SLC20A1: variants seen among roughly 807,000 people sequenced by gnomAD.
The protein encoded by SLC20A1 is solute carrier family 20 member 1.
In SLC20A1, 28 loss-of-function variants were observed where a neutral mutation model predicts 62.7. The ratio of observed to expected loss-of-function variants is 0.45; its 90% CI spans 0.33 to 0.61. The LOEUF (loss-of-function observed/expected upper bound fraction) is 0.61. Among genes scored for constraint, SLC20A1 ranks in the 20% least tolerant of loss-of-function variants. The pLI, the probability that SLC20A1 is intolerant of heterozygous loss-of-function variation, is 0.02. For synonymous variants in SLC20A1, 305 were observed against 302.9 expected (o/e 1.01, Z -0.07); for missense variants, 673 against 838.6 (o/e 0.80, Z 2.44).
chr2:112,659,467 G>A lies in SLC20A1; in HGVS notation c.1312G>A (p.Gly438Ser), dbSNP rs759515767. The change falls in exon 8 of 11, where the codon GGT becomes AGT. Residue 438 changes from glycine to serine, a missense_variant. Physicochemically the swap from Gly to Ser is moderately conservative, Grantham distance 56. Transcript: ENST00000272542. ...TCTGGATTCATTCCGTGCCAAAGAA[G>A]GTGAACAGAAGGGCGAAGAAATGGA... ...MPLDSFRAKE[G>S]EQKGEEMEKL... 2 of 1,614,092 alleles carry A rather than the reference G, an allele frequency of 1.2e-6. No homozygotes were observed. Among genetic ancestry groups the A allele is most frequent in the South Asian group, 1.1e-5 (1 of 91,086 alleles).
Position 112,651,619 on chromosome 2 carries a change from G to C in SLC20A1, c.562-1083G>C, listed in dbSNP as rs372415813. 6.6e-5 allele frequency among the ~76,000 whole-genome samples: 10 copies of C among 152,116 alleles called. No homozygotes were observed. In the South Asian group the frequency reaches 1.0e-3, roughly 16 times the overall value. ...GACAGGGTTTCACCGTATTACCCAG[G>C]ATGGTCTCGATCTCCTGACCTCATG... On this transcript the variant is annotated intron_variant, in intron 4 of 10. Coordinates refer to ENST00000272542, the MANE Select transcript of SLC20A1 (RefSeq NM_005415.5).
At chr2:112,648,768 T>C (rs1686350796) in intron 4 of SLC20A1, among the ~76,000 whole-genome samples, 1 of 152,226 alleles carries the variant, frequency 6.6e-6, no homozygotes, top group Admixed American at 6.5e-5. Flanking sequence ...AAACAGTTCA[T>C]TGATATTTAT....
rs1558693687 is a variant in SLC20A1 at position 112,657,178 on chromosome 2, G to T, written c.715G>T (p.Ala239Ser). 1 of 1,613,894 alleles carries T rather than the reference G, an allele frequency of 6.2e-7. No individual in the cohort carries two copies. The highest frequency in any genetic ancestry group is 1.1e-5 in the South Asian group (1 of 91,040). Reference protein sequence around the residue: ...WGTILISVGCAVFCALIVWFF... With the variant: ...WGTILISVGCSVFCALIVWFF... ...TACCATCCTCATCTCGGTGGGATGT[G>T]CAGTTTTCTGTGCCCTTATCGTCTG... Residue 239 changes from alanine (A) to serine (S), a missense_variant, in exon 6 of 11, where the codon GCA becomes TCA. Coordinates refer to ENST00000272542, the MANE Select transcript of SLC20A1 (RefSeq NM_005415.5).
In SLC20A1 at chr2:112,659,239, T is replaced by C; in HGVS notation, c.1084T>C (p.Phe362Leu). The C allele has an allele frequency of 6.2e-7, 1 of 1,614,130 alleles. No individual in the cohort carries two copies. The highest frequency in any genetic ancestry group is 8.5e-7 in the Non-Finnish European group (1 of 1,180,010). Residue 362 changes from phenylalanine to leucine, a missense_variant, in exon 8 of 11, where the codon TTC becomes CTC. By Grantham distance (22) the Phe-to-Leu change is conservative. Coordinates refer to ENST00000272542, the MANE Select transcript of SLC20A1 (RefSeq NM_005415.5). ...VQLPNGNLVQ[F>L]SQAVSNQINS... ...GTTGCCTAATGGGAACCTTGTCCAG[T>C]TCAGTCAAGCCGTCAGCAACCAAAT...
chr2:112,646,727 A>T lies in SLC20A1; in HGVS notation c.-102A>T, dbSNP rs1180548006. 2 of 484,884 alleles carry T rather than the reference A, an allele frequency of 4.1e-6. No individual in the cohort carries two copies. Among genetic ancestry groups the T allele is most frequent in the Non-Finnish European group, 6.6e-6 (2 of 305,116 alleles). 30.0% of individuals were successfully genotyped at this position (484,884 alleles called of 1,614,324 possible). ...AGTTTACAGTATTTAATTTTATATA[A>T]TATATATTATTTATTATAGCATTTT... On this transcript the variant is annotated 5_prime_UTR_variant, in exon 2 of 11. Coordinates refer to ENST00000272542, the MANE Select transcript of SLC20A1 (RefSeq NM_005415.5).
chr2:112,653,376 C>G, intron 5 of SLC20A1: 1 of 167,760 alleles, frequency 6.0e-6, no homozygotes, highest in Non-Finnish European at 1.3e-5. Context: ...ATGTTTGGGA[C>G]TAAGGCAAGG....
intron 10 of SLC20A1, among the ~76,000 whole-genome samples, chr2:112,662,227 G>A (rs936223855): frequency 2.0e-5 from 3 of 152,122 alleles, no homozygotes; most frequent in Non-Finnish European, 2.9e-5. Context: ...TGTTTATTAG[G>A]TTTAATATCA....
rs911831227 is a variant in SLC20A1, at chr2:112,652,304, T to C, written c.562-398T>C. ...GTTGTATTTTTAGTCTTTGAAGATATGAAGTCAGGTAAGCAACATCCTAAC... is the reference window on the plus strand; with the variant it reads ...GTTGTATTTTTAGTCTTTGAAGATACGAAGTCAGGTAAGCAACATCCTAAC... On this transcript the variant is annotated intron_variant, in intron 4 of 10. Coordinates refer to ENST00000272542, the MANE Select transcript of SLC20A1 (RefSeq NM_005415.5). The C allele has an allele frequency of 4.4e-5, 8 of 180,742 alleles. No homozygotes were observed. The South Asian group carries it at 5.7e-4, about 13-fold the overall frequency. The allele number at this position is 180,742 out of a possible 1,614,324, so 11.2% of individuals were successfully genotyped here. A position where few individuals can be genotyped will look rare whatever the true frequency, so the allele number is the denominator to read the frequency against.
rs777451974 is a variant in SLC20A1 at position 112,647,159 on chromosome 2, T to A, written c.331T>A (p.Phe111Ile). 1 of 1,611,006 alleles carries A rather than the reference T, an allele frequency of 6.2e-7. No individual in the cohort carries two copies. Among genetic ancestry groups the A allele is most frequent in the Non-Finnish European group, 8.5e-7 (1 of 1,177,682 alleles). Residue 111 changes from phenylalanine (F) to isoleucine (I), a missense_variant, in exon 2 of 11, where the codon TTT becomes ATT. Phe to Ile is a conservative substitution (Grantham distance 21, BLOSUM62 0). Transcript: ENST00000272542. ...LLMAGSVSAM[F>I]GSAVWQLVAS... Reference sequence around the variant, plus strand: ...GATGGCCGGCTCAGTCAGTGCTATGTTTGGTAAGTTCTTTTTATGTTTTGT... The same window carrying A: ...GATGGCCGGCTCAGTCAGTGCTATGATTGGTAAGTTCTTTTTATGTTTTGT...
Position 112,660,462 on chromosome 2 carries a change from A to G in SLC20A1, c.1683A>G (p.Pro561=), listed in dbSNP as rs754725567. Residue 561 remains proline, a synonymous_variant, in exon 9 of 11, where the codon CCA becomes CCG. Coordinates refer to ENST00000272542, the MANE Select transcript of SLC20A1 (RefSeq NM_005415.5). ...TGDVSSKVAT[P]IWLLLYGGVG... is the part of the protein sequence containing the mutation. ...ATGTTTCTTCAAAAGTGGCAACACC[A>G]ATATGGCTTCTACTCTATGGTGGTG... is the stretch of plus-strand genomic sequence containing the variant. The G allele has an allele frequency of 6.2e-7, 1 of 1,614,214 alleles. No individual in the cohort carries two copies. The highest frequency in any genetic ancestry group is 8.5e-7 in the Non-Finnish European group (1 of 1,180,024).
intron 4 of SLC20A1, among the ~76,000 whole-genome samples, chr2:112,649,822 A>G (rs748579990): frequency 1.1e-4 from 17 of 152,238 alleles, no homozygotes; most frequent in Non-Finnish European, 2.4e-4. Flanking sequence ...AGACAAAACC[A>G]GAATATCCAA....
intron 4 of SLC20A1, among the ~76,000 whole-genome samples, chr2:112,648,635 G>C (rs1419321534): frequency 3.3e-5 from 5 of 152,234 alleles, no homozygotes; most frequent in African/African-American, 4.8e-5. Flanking sequence ...CTTCTCTGTA[G>C]AAATTCTATG....
Position 112,659,579 on chromosome 2 carries a change from A to G in SLC20A1, c.1424A>G (p.His475Arg), listed in dbSNP as rs1467374198. The G allele has an allele frequency of 6.2e-7, 1 of 1,614,252 alleles. No individual in the cohort carries two copies. Residue 475 changes from histidine to arginine, a missense_variant, in exon 8 of 11, where the codon CAC becomes CGC. Coordinates refer to ENST00000272542, the MANE Select transcript of SLC20A1 (RefSeq NM_005415.5). ...TSYCNAVSDL[H>R]SASEIDMSVK... Reference sequence around the variant, plus strand: ...TACTGCAATGCTGTGTCTGACCTTCACTCAGCATCTGAGATAGACATGAGT... The same window carrying G: ...TACTGCAATGCTGTGTCTGACCTTCGCTCAGCATCTGAGATAGACATGAGT...
At position 112,647,667 on chromosome 2, in the gene SLC20A1, G is replaced by A; in HGVS notation, c.490G>A (p.Val164Met). Residue 164 changes from valine to methionine, a missense_variant, in exon 4 of 11, where the codon GTG (valine) becomes ATG (methionine). By Grantham distance (21) the Val-to-Met change is conservative (BLOSUM62 1). Coordinates refer to ENST00000272542, the MANE Select transcript of SLC20A1 (RefSeq NM_005415.5). The stretch of plus-strand genomic sequence containing the variant: ...TTCTATTCCAGTGATGTCTTGGTTC[G>A]TGTCCCCACTGCTTTCTGGAATTAT... ...ELIKIVMSWF[V>M]SPLLSGIMSG... 2 of 1,613,362 alleles carry A rather than the reference G, an allele frequency of 1.2e-6. No homozygotes were observed. Among genetic ancestry groups the A allele is most frequent in the Non-Finnish European group, 1.7e-6 (2 of 1,179,416 alleles).
Position 112,661,158 on chromosome 2 carries a change from C to T in SLC20A1, c.1810C>T (p.Leu604=), listed in dbSNP as rs1574191456. 2 of 1,613,996 alleles carry T rather than the reference C, an allele frequency of 1.2e-6. No individual in the cohort carries two copies. ...TGTCTGTAGTGGCTTCAGTATTGAA[C>T]TGGCATCTGCCCTCACTGTGGTGAT... is the stretch of plus-strand genomic sequence containing the variant. The part of the protein sequence containing the change: ...ITPSSGFSIE[L]ASALTVVIAS... Residue 604 remains leucine, a synonymous_variant, in exon 10 of 11, where the codon CTG becomes TTG. Coordinates refer to ENST00000272542, the MANE Select transcript of SLC20A1 (RefSeq NM_005415.5).
intron 2 of SLC20A1, 80 bp from the exon 3 acceptor site, chr2:112,647,244 T>C: frequency 1.3e-6 from 2 of 1,584,454 alleles, no homozygotes; most frequent in South Asian, 1.1e-5. Flanking sequence ...GTGCATAACC[T>C]TTCCGATTAA....
chr2:112,650,519 C>T (rs375550008), intron 4 of SLC20A1, among the ~76,000 whole-genome samples: 28 of 151,486 alleles, frequency 1.8e-4, no homozygotes, highest in Admixed American at 3.9e-4. Context: ...TTGGTAGAGA[C>T]GGGGTTTCAC....
chr2:112,653,099 T>G (rs1686484649), intron 5 of SLC20A1: 2 of 502,778 alleles, frequency 4.0e-6, no homozygotes, highest in South Asian at 3.9e-5. Flanking sequence ...AATGCTGGAA[T>G]TAATACTGAC....
Position 112,662,963 on chromosome 2 carries a change from A to G in SLC20A1, c.1978A>G (p.Ile660Val), listed in dbSNP as rs1053164629. Residue 660 changes from isoleucine to valine, a missense_variant, in exon 11 of 11, where the codon ATT (isoleucine) becomes GTT (valine). Physicochemically the swap from Ile to Val is conservative, Grantham distance 29 (BLOSUM62 3). Coordinates refer to ENST00000272542, the MANE Select transcript of SLC20A1 (RefSeq NM_005415.5). ...TATGGCCTGGTTTGTCACAGTCCCC[A>G]TTTCTGGAGTTATCAGTGCTGCCAT... ...IFMAWFVTVP[I>V]SGVISAAIMA... The G allele has an allele frequency of 1.2e-6, 2 of 1,614,062 alleles. No individual in the cohort carries two copies. The highest frequency in any genetic ancestry group is 1.7e-6 in the Non-Finnish European group (2 of 1,179,998).
Sources: gnomAD v4.1 joint callset for allele counts (sites outside exome capture counted in the v4.1 genomes callset) on GRCh38, gnomAD v4.1.1 for gene constraint, MANE v1.5 for transcripts, NCBI Gene and HGNC (gene_info 2026-07-23, HGNC 2026-07-21) for gene names.